The following CAAP1 variants were observed in gnomAD, a reference collection of about 807,000 sequenced individuals.
The protein encoded by CAAP1 is conserved anti-apoptotic protein.
In CAAP1, 20 loss-of-function variants were observed where a neutral mutation model predicts 34.0. That is an observed-to-expected ratio of 0.59 (90% confidence interval 0.41 to 0.86). CAAP1 has a LOEUF of 0.86. CAAP1 is among the 40% of genes least tolerant of loss of function. The pLI, the probability that CAAP1 is intolerant of heterozygous loss-of-function variation, is 0.00. For synonymous variants in CAAP1, 213 were observed against 166.7 expected, an observed-to-expected ratio of 1.28 and a Z score of -2.14; for missense variants, 538 against 450.5, an observed-to-expected ratio of 1.19 and a Z score of -1.76.
chr9:26,891,114 T>C (rs1823894073), intron 1 of CAAP1, among the ~76,000 whole-genome samples: 2 of 152,226 alleles, frequency 1.3e-5, no homozygotes, highest in South Asian at 2.1e-4. Flanking sequence ...AGAAAAAGTA[T>C]GTGATCATCT....
intron 5 of CAAP1, among the ~76,000 whole-genome samples, chr9:26,849,961 C>T (rs750482172): frequency 1.8e-4 from 27 of 151,808 alleles, no homozygotes; most frequent in African/African-American, 5.6e-4. Flanking sequence ...GCCTCAGCCT[C>T]GCGAGTAGCT....
At chr9:26,843,497 A>C (rs1197609815) in intron 5 of CAAP1, among the ~76,000 whole-genome samples, 1 of 149,694 alleles carries the variant, frequency 6.7e-6, no homozygotes, top group Non-Finnish European at 1.5e-5. Context: ...TTTTTATTTT[A>C]TTATTATACT....
At chr9:26,857,395 G>A (rs1822896148) in intron 5 of CAAP1, among the ~76,000 whole-genome samples, 2 of 152,356 alleles carry the variant, frequency 1.3e-5, no homozygotes, top group Admixed American at 6.5e-5. Flanking sequence ...ACTTTGGAAG[G>A]CCAAGGTGGG....
rs1823768832 is a variant in CAAP1, at chr9:26,887,225, A to G, written c.504+88T>C. Reference sequence around the variant, plus strand: ...AGACTCCGTCTCAAAAAAACAAACAAACAAAACCGCATTAAGTAAAACAAA... The same window carrying G: ...AGACTCCGTCTCAAAAAAACAAACAGACAAAACCGCATTAAGTAAAACAAA... On this transcript the variant is annotated intron_variant, in intron 2 of 5. Coordinates refer to ENST00000333916, the MANE Select transcript of CAAP1 (RefSeq NM_024828.4). 3.5e-6 allele frequency: 3 copies of G among 849,596 alleles called. No homozygotes were observed. The East Asian group carries it at 8.5e-5, about 24-fold the overall frequency. 52.6% of individuals were successfully genotyped at this position (849,596 alleles called of 1,614,324 possible).
chr9:26,847,831 G>A (rs1822654871), intron 5 of CAAP1, among the ~76,000 whole-genome samples: 1 of 151,000 alleles, frequency 6.6e-6, no homozygotes, highest in African/African-American at 2.4e-5. Context: ...AAGGACTGCT[G>A]TTTATTAGTT....
At chr9:26,891,097 C>T (rs10967584) in intron 1 of CAAP1, among the ~76,000 whole-genome samples, 6,440 of 152,238 alleles carry the variant, frequency 0.042, 468 homozygotes, top group African/African-American at 0.15. Context: ...CATTATCTGA[C>T]TAAAGGAGAA....
At chr9:26,890,702 T>C (rs781422803) in intron 1 of CAAP1, among the ~76,000 whole-genome samples, 6 of 152,088 alleles carry the variant, frequency 3.9e-5, no homozygotes, top group Admixed American at 2.6e-4. Flanking sequence ...TCCCAGCACT[T>C]TGGGAGGCCG....
intron 5 of CAAP1, among the ~76,000 whole-genome samples, chr9:26,857,359 T>TGGTG (rs1406374388): frequency 6.6e-6 from 1 of 152,092 alleles, no homozygotes; most frequent in Non-Finnish European, 1.5e-5. Context: ...TGGCCGGGTA[T>TGGTG]GGTGGCTCAC....
intron 1 of CAAP1, among the ~76,000 whole-genome samples, chr9:26,890,976 G>T (rs1397835929): frequency 6.6e-6 from 1 of 152,054 alleles, no homozygotes; most frequent in Non-Finnish European, 1.5e-5. Context: ...ACACATACAT[G>T]AAAGTAAAAA....
intron 1 of CAAP1, among the ~76,000 whole-genome samples, chr9:26,892,106 A>T (rs2131349240): frequency 6.6e-6 from 1 of 152,290 alleles, no homozygotes; most frequent in Middle Eastern, 3.4e-3. Context: ...AGGGAAATGA[A>T]GGCTAGCTTC....
chr9:26,881,117 T>C (rs1823584352), intron 4 of CAAP1, among the ~76,000 whole-genome samples: 1 of 152,114 alleles, frequency 6.6e-6, no homozygotes. Context: ...AACATCAACC[T>C]GGGTAACACA....
intron 5 of CAAP1, among the ~76,000 whole-genome samples, chr9:26,850,037 A>C (rs1419062036): frequency 6.6e-6 from 1 of 152,058 alleles, no homozygotes; most frequent in Admixed American, 6.6e-5. Context: ...ACAGGGTTTC[A>C]CCGTGTCATC....
At position 26,892,788 on chromosome 9, in the gene CAAP1, T is replaced by C. The variant is rs539355836; in HGVS notation, c.-73A>G. 9.6e-4 allele frequency: 1,357 copies of C among 1,419,360 alleles called. 2 individuals are homozygous for C. Among genetic ancestry groups the C allele is most frequent in the Non-Finnish European group, 1.2e-3 (1,256 of 1,060,070 alleles). The allele number at this position is 1,419,360 out of a possible 1,614,324, so 87.9% of individuals were successfully genotyped here. A position where few individuals can be genotyped will look rare whatever the true frequency, so the allele number is the denominator to read the frequency against. Reference sequence around the variant, plus strand: ...GACCGAAGCCCGACTCCTGCGGCCGTGGGCGGCAGGCACTGGCGTCGCAGG... The same window carrying C: ...GACCGAAGCCCGACTCCTGCGGCCGCGGGCGGCAGGCACTGGCGTCGCAGG... On this transcript the variant is annotated 5_prime_UTR_variant, in exon 1 of 6. Transcript: ENST00000333916.
chr9:26,886,068 AAGAAGTTGCCAG>A, intron 3 of CAAP1, 24 bp downstream of exon 3: 1 of 1,085,280 alleles, frequency 9.2e-7, no homozygotes, highest in Non-Finnish European at 1.3e-6. Context: ...AGTATTAACT[AAGAAGTTGCCAG>A]AATGTAAAAA....
At position 26,842,643 on chromosome 9, in the gene CAAP1, TTTTCCTG is replaced by T; in HGVS notation, c.740-3_743del. ...TACTGAGTACATCACTATCTTCCCC[TTTTCCTG>T]TAACCAAAAAAGGAGAAAGATCCAT... On this transcript the variant is annotated splice_acceptor_variant and splice_polypyrimidine_tract_variant and coding_sequence_variant and intron_variant, in exon 6 of 6. Coordinates refer to ENST00000333916, the MANE Select transcript of CAAP1 (RefSeq NM_024828.4). LOFTEE classifies it high-confidence loss of function. The T allele has an allele frequency of 6.3e-7, 1 of 1,586,266 alleles. No individual in the cohort carries two copies. Among genetic ancestry groups the T allele is most frequent in the South Asian group, 1.2e-5 (1 of 86,762 alleles).
intron 4 of CAAP1, among the ~76,000 whole-genome samples, 170 bp downstream of exon 4, chr9:26,884,640 C>T (rs1823683493): frequency 6.6e-6 from 1 of 152,098 alleles, no homozygotes; most frequent in Admixed American, 6.5e-5. Context: ...TAACTCCATC[C>T]TCACATATAC....
rs372929881 is a variant in CAAP1, at chr9:26,892,334, G to C, written c.303+79C>G. ...CCGCGCTAGCAGTGAGCTCCAGCCT[G>C]CGCCCCATCCCTCTGGAAGCCCGAC... On this transcript the variant is annotated intron_variant, in intron 1 of 5. Coordinates refer to ENST00000333916, the MANE Select transcript of CAAP1 (RefSeq NM_024828.4). The C allele has an allele frequency of 5.6e-5, 87 of 1,566,662 alleles. No individual in the cohort carries two copies. The East Asian group carries it at 1.3e-3, about 23-fold the overall frequency.
intron 5 of CAAP1, among the ~76,000 whole-genome samples, chr9:26,850,751 A>C (rs140934318): frequency 6.6e-6 from 1 of 152,344 alleles, no homozygotes; most frequent in African/African-American, 2.4e-5. Context: ...GCATTCAGCA[A>C]TACTGTGTTA....
At chr9:26,864,564 CTG>C (rs1265221703) in intron 4 of CAAP1, among the ~76,000 whole-genome samples, 8 of 152,126 alleles carry the variant, frequency 5.3e-5, no homozygotes, top group African/African-American at 1.9e-4. Flanking sequence ...TTTTTCTGAC[CTG>C]TGATTCTCTA....
Sources: gnomAD v4.1 joint callset for allele counts (sites outside exome capture counted in the v4.1 genomes callset) on GRCh38, gnomAD v4.1.1 for gene constraint, MANE v1.5 for transcripts, NCBI Gene and HGNC (gene_info 2026-07-23, HGNC 2026-07-21) for gene names.